The following SNX29 variants were observed in gnomAD, a reference collection of about 807,000 sequenced individuals.
SNX29 encodes sorting nexin-29.
In SNX29, 78 loss-of-function variants were observed where a neutral mutation model predicts 102.1. The ratio of observed to expected loss-of-function variants is 0.76; its 90% CI spans 0.64 to 0.92. The LOEUF (loss-of-function observed/expected upper bound fraction) is 0.92, where lower values mean the gene tolerates loss of function less well. Ranked by LOEUF, SNX29 falls within the 40% of genes least tolerant of loss-of-function variation. The pLI is 0.00. For synonymous variants in SNX29, 580 were observed against 414.5 expected, an observed-to-expected ratio of 1.40 and a Z score of -4.85; for missense variants, 1,280 against 1,061.7, an observed-to-expected ratio of 1.21 and a Z score of -2.86.
At chr16:12,091,517 T>C (rs1300156002) in intron 11 of SNX29, among the ~76,000 whole-genome samples, 1 of 150,688 alleles carries the variant, frequency 6.6e-6, no homozygotes, top group Non-Finnish European at 1.5e-5. Flanking sequence ...TTGGGTATCA[T>C]GGCTTATGCC....
At chr16:12,374,307 C>G (rs890457417) in intron 16 of SNX29, 1 of 152,258 alleles carries the variant, frequency 6.6e-6, no homozygotes, top group African/African-American at 2.4e-5. Context: ...GGAGGAGACA[C>G]CATGTGAGCT....
chr16:12,565,935 T>G, intron 20 of SNX29, among the ~76,000 whole-genome samples: 1 of 152,014 alleles, frequency 6.6e-6, no homozygotes, highest in Non-Finnish European at 1.5e-5. Context: ...ATCTGTCCAG[T>G]GTCTGCCCTC....
chr16:12,330,609 ATAG>A (rs978738094), intron 15 of SNX29, among the ~76,000 whole-genome samples: 8 of 152,204 alleles, frequency 5.3e-5, no homozygotes, highest in Admixed American at 2.0e-4. Flanking sequence ...GTGGGTTGAA[ATAG>A]TAGCCTGAGG....
chr16:12,549,281 G>A (rs1225280006), intron 20 of SNX29, among the ~76,000 whole-genome samples: 2 of 152,088 alleles, frequency 1.3e-5, no homozygotes, highest in African/African-American at 4.8e-5. Flanking sequence ...GATCACTCAG[G>A]GTCAGAAGTT....
intron 15 of SNX29, among the ~76,000 whole-genome samples, chr16:12,304,226 GAGC>G (rs1331778121): frequency 6.7e-6 from 1 of 149,388 alleles, no homozygotes; most frequent in Non-Finnish European, 1.5e-5. Context: ...ACAGAAATGT[GAGC>G]TCATCTTTAG....
chr16:12,061,625 G>T lies in SNX29; in HGVS notation c.1222G>T (p.Val408Leu), dbSNP rs375700110. The change falls in exon 9 of 21, where the codon GTG (valine) becomes TTG (leucine). Residue 408 changes from valine to leucine, a missense_variant. Val to Leu is a conservative substitution (Grantham distance 32). Transcript: ENST00000566228. ...DSDILFPVSG[V>L]GSYSPADAPL... Reference sequence around the variant, plus strand: ...CGACATCCTCTTCCCTGTCAGTGGCGTGGGCTCCTACAGCCCAGCAGGTGG... The same window carrying T: ...CGACATCCTCTTCCCTGTCAGTGGCTTGGGCTCCTACAGCCCAGCAGGTGG... 2.3e-5 allele frequency: 37 copies of T among 1,611,524 alleles called. No individual in the cohort carries two copies. Among genetic ancestry groups the T allele is most frequent in the Non-Finnish European group, 3.1e-5 (36 of 1,179,174 alleles).
At chr16:12,437,437 G>C (rs1240265236) in intron 18 of SNX29, among the ~76,000 whole-genome samples, 3 of 152,218 alleles carry the variant, frequency 2.0e-5, no homozygotes, top group Non-Finnish European at 4.4e-5. Context: ...GGGGTAGTGT[G>C]AGAGGAGGGT....
intron 13 of SNX29, among the ~76,000 whole-genome samples, chr16:12,192,847 G>A (rs936269589): frequency 2.0e-5 from 3 of 152,126 alleles, no homozygotes; most frequent in Admixed American, 6.5e-5. Flanking sequence ...GATTACAGGT[G>A]CCTGCTACCA....
At chr16:12,394,312 G>C (rs181622098) in intron 16 of SNX29, among the ~76,000 whole-genome samples, 1 of 152,212 alleles carries the variant, frequency 6.6e-6, no homozygotes, top group Non-Finnish European at 1.5e-5. Flanking sequence ...AAGATGCGAA[G>C]AACGGATACT....
intron 3 of SNX29, among the ~76,000 whole-genome samples, chr16:12,012,081 A>T (rs1355746766): frequency 2.0e-5 from 3 of 152,180 alleles, no homozygotes; most frequent in Admixed American, 2.0e-4. Flanking sequence ...GGCATTGGCG[A>T]TGCAAATTGG....
intron 18 of SNX29, among the ~76,000 whole-genome samples, chr16:12,466,167 AT>A (rs544794561): frequency 5.6e-4 from 86 of 152,338 alleles, no homozygotes; most frequent in African/African-American, 1.9e-3. Context: ...AGAAAAAGAA[AT>A]AAAAGGCATC....
At chr16:12,527,043 C>G (rs897031132) in intron 20 of SNX29, 1 of 415,476 alleles carries the variant, frequency 2.4e-6, no homozygotes, top group Non-Finnish European at 4.6e-6. Context: ...AGTGTTGACA[C>G]TGGAATTTTG....
Position 12,328,232 on chromosome 16 carries a change from T to C in SNX29, c.1783-27931T>C, listed in dbSNP as rs115224645. Among the ~76,000 whole-genome samples, 979 of 152,352 alleles carry C rather than the reference T, an allele frequency of 6.4e-3. 8 individuals are homozygous for C. Among genetic ancestry groups the C allele is most frequent in the African/African-American group, 0.022 (901 of 41,584 alleles). ...TTTATCCTAGCTGTTGCTTTTATTATTTTACTACTACTGTTTGTATTACCC... is the reference window on the plus strand; with the variant it reads ...TTTATCCTAGCTGTTGCTTTTATTACTTTACTACTACTGTTTGTATTACCC... On this transcript the variant is annotated intron_variant, in intron 15 of 20. Coordinates refer to ENST00000566228, the MANE Select transcript of SNX29 (RefSeq NM_032167.5).
intron 19 of SNX29, among the ~76,000 whole-genome samples, chr16:12,506,553 G>A (rs900383124): frequency 3.3e-5 from 5 of 152,190 alleles, no homozygotes; most frequent in African/African-American, 1.2e-4. Context: ...GATACGGAGG[G>A]AATAGCATCA....
chr16:12,503,814 A>T (rs953943892), intron 19 of SNX29, among the ~76,000 whole-genome samples: 3 of 152,190 alleles, frequency 2.0e-5, no homozygotes, highest in African/African-American at 7.2e-5. Context: ...CTCCTTTCTA[A>T]TAGTCCCAGA....
chr16:12,290,795 A>G (rs2079767565), intron 15 of SNX29, among the ~76,000 whole-genome samples: 2 of 152,146 alleles, frequency 1.3e-5, no homozygotes, highest in Admixed American at 1.3e-4. Flanking sequence ...ACTGAGGCAT[A>G]GGAGAGTGGG....
intron 13 of SNX29, among the ~76,000 whole-genome samples, chr16:12,130,609 CTT>C (rs2054423163): frequency 6.6e-6 from 1 of 152,046 alleles, no homozygotes; most frequent in Admixed American, 6.5e-5. Context: ...TGCAAGTCCC[CTT>C]CTCTTATCCC....
At chr16:12,293,753 T>C (rs1038597461) in intron 15 of SNX29, among the ~76,000 whole-genome samples, 1 of 152,254 alleles carries the variant, frequency 6.6e-6, no homozygotes, top group Non-Finnish European at 1.5e-5. Flanking sequence ...AAAGGATCTT[T>C]TTTATCAATT....
chr16:12,569,415 G>C lies in SNX29; in HGVS notation c.*786G>C, dbSNP rs944595408. The C allele has an allele frequency of 4.8e-5, 11 of 230,736 alleles. 1 individual carries two copies. In the South Asian group the frequency reaches 5.5e-4, roughly 11 times the overall value. The allele number at this position is 230,736 out of a possible 1,614,324, so 14.3% of individuals were successfully genotyped here. A position where few individuals can be genotyped will look rare whatever the true frequency, so the allele number is the denominator to read the frequency against. On this transcript the variant is annotated 3_prime_UTR_variant, in exon 21 of 21. Transcript: ENST00000566228. ...CCATCAGCAGCAACCTAGTAACCCG[G>C]CGTCATCCAGCGTGTCCAAAGTAGC... is the stretch of plus-strand genomic sequence containing the variant.
Sources: allele counts gnomAD v4.1 joint callset (sites outside exome capture counted in the v4.1 genomes callset), GRCh38; gene constraint gnomAD v4.1.1; transcripts MANE v1.5; gene names NCBI Gene and HGNC (gene_info 2026-07-23, HGNC 2026-07-21).